Variants in DCDC1 observed in about 807,000 individuals in gnomAD.
DCDC1 encodes doublecortin domain containing 1.
Under a neutral mutation model 178.3 loss-of-function variants are expected in DCDC1, and 200 were observed. The ratio of observed to expected loss-of-function variants is 1.12; its 90% confidence interval spans 1.00 to 1.26. DCDC1 has a LOEUF of 1.26. Among genes scored for constraint, DCDC1 ranks in the 50% most tolerant of loss-of-function variants. The probability of loss-of-function intolerance (pLI) is 0.00; values close to 1 mark genes in which losing one functional copy is unlikely to be tolerated. For synonymous variants in DCDC1, 690 were observed against 604.8 expected (o/e 1.14, Z -2.07); for missense variants, 1,983 against 1,749.2 (o/e 1.13, Z -2.38).
chr11:30,869,885 A>G (rs1941373443), intron 38 of DCDC1, among the ~76,000 whole-genome samples: 1 of 152,098 alleles, frequency 6.6e-6, no homozygotes, highest in East Asian at 1.9e-4. Context: ...AAGCTCTTTA[A>G]GTGAGGAAGT....
intron 3 of DCDC1, among the ~76,000 whole-genome samples, chr11:31,311,996 G>A (rs757863483): frequency 6.6e-6 from 1 of 152,004 alleles, no homozygotes; most frequent in East Asian, 1.9e-4. Context: ...TCTAGTGCTT[G>A]GGGCCAGAAG....
At chr11:31,223,633 T>C (rs1425357214) in intron 9 of DCDC1, among the ~76,000 whole-genome samples, 2 of 152,274 alleles carry the variant, frequency 1.3e-5, no homozygotes, top group East Asian at 1.9e-4. Context: ...TAGACTGTAG[T>C]ATGTTCATAC....
At chr11:31,142,989 A>G (rs985549919) in intron 9 of DCDC1, among the ~76,000 whole-genome samples, 1 of 152,204 alleles carries the variant, frequency 6.6e-6, no homozygotes, top group African/African-American at 2.4e-5. Context: ...AGCATTAAAT[A>G]ATATGACATG....
intron 20 of DCDC1, among the ~76,000 whole-genome samples, chr11:30,979,526 T>A (rs776875481): frequency 1.6e-4 from 24 of 152,196 alleles, no homozygotes; most frequent in Non-Finnish European, 2.5e-4. Context: ...CAAGGGTGAG[T>A]AGGGAACACT....
chr11:30,993,173 C>T (rs576371939), intron 20 of DCDC1, among the ~76,000 whole-genome samples: 1 of 151,984 alleles, frequency 6.6e-6, no homozygotes, highest in Non-Finnish European at 1.5e-5. Flanking sequence ...GTGTAATTTA[C>T]TTCTAAATAA....
At chr11:31,354,578 T>C (rs1432049911) in intron 1 of DCDC1, among the ~76,000 whole-genome samples, 1 of 152,166 alleles carries the variant, frequency 6.6e-6, no homozygotes, top group Non-Finnish European at 1.5e-5. Flanking sequence ...GAGCCAAACA[T>C]GCCAGATGAA....
At chr11:31,135,878 T>C (rs929811964) in intron 10 of DCDC1, among the ~76,000 whole-genome samples, 1 of 152,152 alleles carries the variant, frequency 6.6e-6, no homozygotes, top group African/African-American at 2.4e-5. Flanking sequence ...TTTCCAATGT[T>C]GCTAACAAGG....
At chr11:30,962,974 G>T (rs953953115) in intron 20 of DCDC1, among the ~76,000 whole-genome samples, 2 of 152,114 alleles carry the variant, frequency 1.3e-5, no homozygotes, top group South Asian at 4.1e-4. Context: ...GCTTATGATG[G>T]AACCACACTT....
chr11:31,224,532 C>G (rs1460384830), intron 9 of DCDC1, among the ~76,000 whole-genome samples: 3 of 152,040 alleles, frequency 2.0e-5, no homozygotes, highest in Non-Finnish European at 2.9e-5. Flanking sequence ...TAAAAAGCTT[C>G]TACACAGCAA....
chr11:31,101,522 T>C (rs756075582), intron 15 of DCDC1, among the ~76,000 whole-genome samples: 5 of 152,184 alleles, frequency 3.3e-5, no homozygotes, highest in Non-Finnish European at 7.3e-5. Flanking sequence ...TCCTAAACTA[T>C]AGAGATAGCA....
chr11:31,030,672 C>T (rs944939926), intron 20 of DCDC1, among the ~76,000 whole-genome samples: 4 of 152,154 alleles, frequency 2.6e-5, no homozygotes, highest in Non-Finnish European at 4.4e-5. Context: ...CTGACCTCCA[C>T]GGCTTTGCGG....
In DCDC1 at chr11:30,899,547, A is replaced by G; in HGVS notation, c.4759T>C (p.Leu1587=). 1 of 1,562,084 alleles carries G rather than the reference A, an allele frequency of 6.4e-7. No homozygotes were observed. The highest frequency in any genetic ancestry group is 8.7e-7 in the Non-Finnish European group (1 of 1,155,158). ...TGATATAGTTCATACTGACCTTTTA[A>G]CTGTCTCATTTTGTGTCTCATGGTA... ...LDTMRHKMRQ[L]KGRRVAACQP... Residue 1587 remains leucine (L), a synonymous_variant, in exon 34 of 39, where the codon TTA becomes CTA. Transcript: ENST00000684477.
intron 37 of DCDC1, 134 bp downstream of exon 37, chr11:30,881,024 C>T (rs751818436): frequency 9.9e-7 from 1 of 1,011,926 alleles, no homozygotes; most frequent in Non-Finnish European, 1.4e-6. Context: ...ATTTAACTTC[C>T]ATAACATGGA....
intron 28 of DCDC1, among the ~76,000 whole-genome samples, chr11:30,910,985 C>T (rs1233121168): frequency 6.6e-6 from 1 of 152,126 alleles, no homozygotes; most frequent in Admixed American, 6.5e-5. Flanking sequence ...AATTTAGGTG[C>T]ATCTAATAGC....
At chr11:30,954,005 CTTTTTTTTT>C (rs5790847) in intron 20 of DCDC1, among the ~76,000 whole-genome samples, 3 of 76,504 alleles carry the variant, frequency 3.9e-5, no homozygotes, top group African/African-American at 1.6e-4. Context: ...TACAACAATT[CTTTTTTTTT>C]TTTTTTTTTT....
chr11:31,004,681 C>CAAAAAAAAAAAAAAAAAAAA (rs201483189), intron 20 of DCDC1, among the ~76,000 whole-genome samples: 1 of 72,508 alleles, frequency 1.4e-5, no homozygotes. Context: ...CACTCTGTCT[C>CAAAAAAAAAAAAAAAAAAAA]AAAAAAAAAA....
chr11:31,062,857 A>G (rs1178418529), intron 20 of DCDC1, among the ~76,000 whole-genome samples: 1 of 151,278 alleles, frequency 6.6e-6, no homozygotes, highest in East Asian at 1.9e-4. Flanking sequence ...CAGGTTTGTT[A>G]CATATGTATA....
chr11:30,958,658 T>A (rs1418087107), intron 20 of DCDC1, among the ~76,000 whole-genome samples: 2 of 152,100 alleles, frequency 1.3e-5, no homozygotes, highest in Non-Finnish European at 2.9e-5. Flanking sequence ...AATACATGGG[T>A]TCAGAAACCA....
intron 3 of DCDC1, among the ~76,000 whole-genome samples, chr11:31,325,004 ACTGAG>A (rs1438363505): frequency 1.3e-5 from 2 of 152,190 alleles, no homozygotes; most frequent in African/African-American, 4.8e-5. Context: ...TTGGTAATGT[ACTGAG>A]CTGCCAGCAG....
Sources: gnomAD v4.1 joint callset for allele counts (sites outside exome capture counted in the v4.1 genomes callset) on GRCh38, gnomAD v4.1.1 for gene constraint, MANE v1.5 for transcripts, NCBI Gene and HGNC (gene_info 2026-07-23, HGNC 2026-07-21) for gene names.